Variants in CCDC134 observed in about 807,000 individuals in gnomAD.
CCDC134 encodes coiled-coil domain-containing protein 134.
In CCDC134, 27 loss-of-function variants were observed where a neutral mutation model predicts 25.6. The ratio of observed to expected loss-of-function variants is 1.05; its 90% CI spans 0.78 to 1.45. The LOEUF (loss-of-function observed/expected upper bound fraction) is 1.45, where lower values mean the gene tolerates loss of function less well. CCDC134 is among the 40% of genes most tolerant of loss of function. The pLI is 0.00. For synonymous variants in CCDC134, 110 were observed against 115.0 expected, an observed-to-expected ratio of 0.96 and a Z score of 0.28; for missense variants, 261 against 286.7, an observed-to-expected ratio of 0.91 and a Z score of 0.65.
chr22:41,808,918 C>T lies in CCDC134; in HGVS notation c.28C>T (p.Leu10Phe). Residue 10 changes from leucine to phenylalanine, a missense_variant, in exon 2 of 7, where the codon CTC becomes TTC. By Grantham distance (22) the Leu-to-Phe change is conservative. Transcript: ENST00000255784. MDLLQFLAF[L>F]FVLLLSGMGA... ...GGACCTTCTTCAATTCCTGGCCTTC[C>T]TCTTTGTCCTGCTTTTGTCTGGGAT... 1.2e-6 allele frequency: 2 copies of T among 1,614,186 alleles called. No individual in the cohort carries two copies. The highest frequency in any genetic ancestry group is 4.5e-5 in the East Asian group (2 of 44,878).
At position 41,804,025 on chromosome 22, in the gene CCDC134, C is replaced by T. The variant is rs527571205; in HGVS notation, c.-17+3259C>T. ...GCGGGCACCTGTAGTCCTAGTTACT[C>T]GGGAGGCTGAGGCAGGAAAATGGCG... On this transcript the variant is annotated intron_variant, in intron 1 of 6. Transcript: ENST00000255784. 1.3e-3 allele frequency among the ~76,000 whole-genome samples: 199 copies of T among 151,912 alleles called. 1 individual carries two copies. Among genetic ancestry groups the T allele is most frequent in the Non-Finnish European group, 2.3e-3 (158 of 67,954 alleles).
chr22:41,825,939 C>A lies in CCDC134; in HGVS notation c.*116C>A. 1 of 1,434,278 alleles carries A rather than the reference C, an allele frequency of 7.0e-7. No homozygotes were observed. Among genetic ancestry groups the A allele is most frequent in the Admixed American group, 2.0e-5 (1 of 49,108 alleles). 88.8% of individuals were successfully genotyped at this position (1,434,278 alleles called of 1,614,324 possible). On this transcript the variant is annotated 3_prime_UTR_variant, in exon 7 of 7. Transcript: ENST00000255784. The surrounding 1 kb of genome is among the most constrained non-coding windows in gnomAD (Gnocchi z 4.4). ...TAGCCCCTTCCAGAAGGGGAGGCCA[C>A]ATTTGCCCGGCCCCCTGGAGCTGGG...
chr22:41,817,436 G>C (rs898299592), intron 6 of CCDC134, among the ~76,000 whole-genome samples: 6 of 152,166 alleles, frequency 3.9e-5, no homozygotes, highest in African/African-American at 1.4e-4. Context: ...CCTAAAGAGG[G>C]GTGAGGGGTA....
chr22:41,830,148 C>T lies in CCDC134; in HGVS notation c.*4325C>T, dbSNP rs1163373686. 6.6e-6 allele frequency among the ~76,000 whole-genome samples: 1 copy of T among 152,172 alleles called. No individual in the cohort carries two copies. The highest frequency in any genetic ancestry group is 1.5e-5 in the Non-Finnish European group (1 of 68,032). On this transcript the variant is annotated 3_prime_UTR_variant, in exon 7 of 7. Coordinates refer to ENST00000255784, the MANE Select transcript of CCDC134 (RefSeq NM_024821.5). ...AGCTGTTCTACCTCTCAGAGCCAGCCCTTGTCCTCCTGCTAGCCAGAGCAA... is the reference window on the plus strand; with the variant it reads ...AGCTGTTCTACCTCTCAGAGCCAGCTCTTGTCCTCCTGCTAGCCAGAGCAA...
rs1030268772 is a variant in CCDC134, at chr22:41,831,442, C to T, written c.*5619C>T. On this transcript the variant is annotated 3_prime_UTR_variant, in exon 7 of 7. Transcript: ENST00000255784. ...CCTCAAATGATCTGCACACCTCGGC[C>T]TCCTAAAGTGCTGGAATTACCGGTG... is the stretch of plus-strand genomic sequence containing the variant. 6 of 152,260 alleles carry T rather than the reference C, an allele frequency of 3.9e-5. No individual in the cohort carries two copies. Among genetic ancestry groups the T allele is most frequent in the Non-Finnish European group, 7.3e-5 (5 of 68,090 alleles). The allele number at this position is 152,260 out of a possible 1,614,324, so 9.4% of individuals were successfully genotyped here. A position where few individuals can be genotyped will look rare whatever the true frequency, so the allele number is the denominator to read the frequency against.
chr22:41,815,204 C>CTTTTTTTTTTT (rs869174312), intron 6 of CCDC134, among the ~76,000 whole-genome samples: 18 of 122,102 alleles, frequency 1.5e-4, no homozygotes, highest in African/African-American at 3.8e-4. Flanking sequence ...CTTTTCTTTT[C>CTTTTTTTTTTT]TTTTTTTTTT....
Position 41,827,211 on chromosome 22 carries a change from G to C in CCDC134, c.*1388G>C, listed in dbSNP as rs1220561830. 6.6e-6 allele frequency among the ~76,000 whole-genome samples: 1 copy of C among 152,222 alleles called. No individual in the cohort carries two copies. Among genetic ancestry groups the C allele is most frequent in the Non-Finnish European group, 1.5e-5 (1 of 68,036 alleles). ...GAAGTAAGGGGACAAGAAGCAGCTG[G>C]AAGAGAGCTGGGTGTGGGGGCTGGG... On this transcript the variant is annotated 3_prime_UTR_variant, in exon 7 of 7. Coordinates refer to ENST00000255784, the MANE Select transcript of CCDC134 (RefSeq NM_024821.5).
chr22:41,806,214 A>ATTTTTT (rs60425249), intron 1 of CCDC134, among the ~76,000 whole-genome samples: 26 of 120,984 alleles, frequency 2.1e-4, no homozygotes, highest in Middle Eastern at 4.3e-3. Flanking sequence ...TAGGCGACTA[A>ATTTTTT]TTTTTTTTTT....
rs1308173172 is a variant in CCDC134, at chr22:41,825,754, A to ACC, written c.621_622insCC (p.Lys208ProfsTer76). ...CCCTGAGAGAAGAAGAGAAACGCCG[A>ACC]AAGAAAGAGGAGAAGCGGAAGGAGA... On this transcript the variant is annotated frameshift_variant, in exon 7 of 7. Transcript: ENST00000255784. LOFTEE classifies it high-confidence loss of function. This position sits in a 1 kb window ranked among gnomAD's most constrained non-coding sequence, Gnocchi z 4.4. The ACC allele has an allele frequency of 6.2e-7, 1 of 1,614,068 alleles. No homozygotes were observed. Among genetic ancestry groups the ACC allele is most frequent in the Non-Finnish European group, 8.5e-7 (1 of 1,180,030 alleles).
In CCDC134 at chr22:41,813,378, G is replaced by A; in HGVS notation, c.425G>A (p.Trp142Ter). ...TCCAACTGGAACCTCCTCATCCGCT[G>A]GGGTATCAGTTTCTGCAACCAGACA... ...HNSNWNLLIR[W>*]GISFCNQTGV... is the part of the protein sequence containing the mutation. Residue 142 changes from tryptophan to a stop codon, truncating the protein, a stop_gained, in exon 5 of 7, where the codon TGG becomes TAG. Coordinates refer to ENST00000255784, the MANE Select transcript of CCDC134 (RefSeq NM_024821.5). LOFTEE classifies it high-confidence loss of function. 1 of 1,614,174 alleles carries A rather than the reference G, an allele frequency of 6.2e-7. No individual in the cohort carries two copies. The highest frequency in any genetic ancestry group is 1.1e-5 in the South Asian group (1 of 91,086).
chr22:41,813,727 T>C (rs373861488), intron 5 of CCDC134, 24 bp from the exon 6 acceptor site: 24 of 1,600,806 alleles, frequency 1.5e-5, no homozygotes, highest in Non-Finnish European at 2.0e-5. Context: ...AGGCAGATGA[T>C]GACTAGTGTT....
chr22:41,805,394 T>C (rs1195074940), intron 1 of CCDC134, among the ~76,000 whole-genome samples: 1 of 152,006 alleles, frequency 6.6e-6, no homozygotes, highest in Admixed American at 6.6e-5. Context: ...ATTATACCAC[T>C]GTACTCCAGA....
In CCDC134 at chr22:41,816,971, T is replaced by A. The variant is rs2148315216; in HGVS notation, c.564+3149T>A. ...CCTATGCCAGCATCTATAGTTTCAC[T>A]TTTTCTCCAGTTGTTGCCTACTATC... On this transcript the variant is annotated intron_variant, in intron 6 of 6. Coordinates refer to ENST00000255784, the MANE Select transcript of CCDC134 (RefSeq NM_024821.5). Among the ~76,000 whole-genome samples the A allele has an allele frequency of 2.0e-5, 3 of 152,252 alleles. No individual in the cohort carries two copies. The East Asian group carries it at 5.8e-4, about 29-fold the overall frequency.
chr22:41,807,948 G>A (rs2076576545), intron 1 of CCDC134, among the ~76,000 whole-genome samples: 1 of 152,010 alleles, frequency 6.6e-6, no homozygotes. Flanking sequence ...ATCACCTGAG[G>A]TTGGGAGTTC....
Position 41,829,759 on chromosome 22 carries a change from TTTTC to T in CCDC134, c.*3952_*3955del, listed in dbSNP as rs748470126. Among the ~76,000 whole-genome samples, 28 of 152,216 alleles carry T rather than the reference TTTTC, an allele frequency of 1.8e-4. No individual in the cohort carries two copies. The highest frequency in any genetic ancestry group is 3.9e-4 in the East Asian group (2 of 5,180). On this transcript the variant is annotated 3_prime_UTR_variant, in exon 7 of 7. Transcript: ENST00000255784. ...GTGGTTACCCAGTCTAATCCATCCCTTTTCTTTCTTTCTTTCTTTTTTTTCTTTT... is the reference window on the plus strand; with the variant it reads ...GTGGTTACCCAGTCTAATCCATCCCTTTTCTTTCTTTCTTTTTTTTCTTTT...
rs1194161840 is a variant in CCDC134 at position 41,827,411 on chromosome 22, C to T, written c.*1588C>T. On this transcript the variant is annotated 3_prime_UTR_variant, in exon 7 of 7. Transcript: ENST00000255784. Reference sequence around the variant, plus strand: ...TGTGAACTAAAGGGCTGGTCCATGGCATTAACAGTGGAGGGTGTCCAGGTT... The same window carrying T: ...TGTGAACTAAAGGGCTGGTCCATGGTATTAACAGTGGAGGGTGTCCAGGTT... Among the ~76,000 whole-genome samples the T allele has an allele frequency of 2.0e-5, 3 of 152,284 alleles. No homozygotes were observed. The highest frequency in any genetic ancestry group is 7.2e-5 in the African/African-American group (3 of 41,542).
rs751064363 is a variant in CCDC134, at chr22:41,825,252, G to A, written c.565-446G>A. Among the ~76,000 whole-genome samples the A allele has an allele frequency of 7.3e-5, 11 of 151,508 alleles. No homozygotes were observed. The highest frequency in any genetic ancestry group is 1.3e-4 in the Admixed American group (2 of 15,198). ...GGTTGCAGTTGAAGAATGCCCCCAC[G>A]CCACCCCCTACCGCCAATGAAGTCC... is the stretch of plus-strand genomic sequence containing the variant. On this transcript the variant is annotated intron_variant, in intron 6 of 6. Transcript: ENST00000255784. The surrounding 1 kb of genome is among the most constrained non-coding windows in gnomAD (Gnocchi z 4.4).
intron 6 of CCDC134, among the ~76,000 whole-genome samples, chr22:41,818,089 A>T (rs139769207): frequency 6.6e-6 from 1 of 152,310 alleles, no homozygotes; most frequent in African/African-American, 2.4e-5. Flanking sequence ...ACGATTTACT[A>T]CAGAGAAAAG....
rs2076674720 is a variant in CCDC134 at position 41,825,784 on chromosome 22, A to G, written c.651A>G (p.Arg217=). 1 of 1,614,016 alleles carries G rather than the reference A, an allele frequency of 6.2e-7. No homozygotes were observed. The highest frequency in any genetic ancestry group is 1.7e-5 in the Admixed American group (1 of 60,012). ...AAGAGGAGAAGCGGAAGGAGATCCG[A>G]AAAGGCCCAAGGATCTCCAGATCCC... ...RKKEEKRKEI[R]KGPRISRSQS... Residue 217 remains arginine, a synonymous_variant, in exon 7 of 7, where the codon CGA becomes CGG. Transcript: ENST00000255784. The surrounding 1 kb of genome is among the most constrained non-coding windows in gnomAD (Gnocchi z 4.4).
Sources: gnomAD v4.1 joint callset for allele counts (sites outside exome capture counted in the v4.1 genomes callset) on GRCh38, gnomAD v4.1.1 for gene constraint, Gnocchi (gnomAD v3.1) non-coding constraint, MANE v1.5 for transcripts, NCBI Gene and HGNC (gene_info 2026-07-23, HGNC 2026-07-21) for gene names.